NUP98: variants seen among roughly 807,000 people sequenced by gnomAD.
NUP98 encodes the protein nucleoporin 98 and 96 precursor.
NUP98 carries 26 observed loss-of-function variants against 191.9 expected under a neutral mutation model. The observed-to-expected ratio is 0.14, with a 90% CI of 0.10 to 0.19. NUP98 has a LOEUF of 0.19. NUP98 is among the 10% of genes least tolerant of loss of function. The probability of loss-of-function intolerance (pLI) is 1.00; values close to 1 mark genes in which losing one functional copy is unlikely to be tolerated. For missense variants in NUP98, 1,941 were observed against 2,178.8 expected (o/e 0.89, Z 2.17); for synonymous variants, 808 against 778.4 (o/e 1.04, Z -0.63).
intron 1 of NUP98, among the ~76,000 whole-genome samples, chr11:3,794,357 G>A (rs1226083113): frequency 2.6e-5 from 4 of 152,082 alleles, no homozygotes; most frequent in Admixed American, 6.6e-5. Flanking sequence ...GAGTCTCGCT[G>A]TCGCCCAGGC....
At position 3,786,096 on chromosome 11, in the gene NUP98, C is replaced by T. The variant is rs181240398; in HGVS notation, c.-28-3951G>A. Among the ~76,000 whole-genome samples, 14 of 152,272 alleles carry T rather than the reference C, an allele frequency of 9.2e-5. No individual in the cohort carries two copies. In the East Asian group the frequency reaches 2.7e-3, roughly 29 times the overall value. On this transcript the variant is annotated intron_variant, in intron 1 of 32. Coordinates refer to ENST00000324932, the MANE Select transcript of NUP98 (RefSeq NM_016320.5). The stretch of plus-strand genomic sequence containing the variant: ...TGTAGGTATTTTTATCTCTATTTTA[C>T]AAGGAAGAAATTAAGGCACAAGAAT...
At chr11:3,696,183 C>T (rs1439833356) in intron 25 of NUP98, among the ~76,000 whole-genome samples, 2 of 151,496 alleles carry the variant, frequency 1.3e-5, no homozygotes, top group Admixed American at 1.3e-4. Flanking sequence ...AAGAGCGAGA[C>T]TCTATCTTAA....
At chr11:3,712,405 G>T in intron 20 of NUP98, 159 bp downstream of exon 20, 1 of 1,419,182 alleles carries the variant, frequency 7.0e-7, no homozygotes, top group Non-Finnish European at 9.2e-7. Context: ...ATGCCTGCAA[G>T]ACCTCACGCC....
intron 1 of NUP98, among the ~76,000 whole-genome samples, chr11:3,787,334 C>A (rs954373358): frequency 6.6e-6 from 1 of 151,920 alleles, no homozygotes; most frequent in Non-Finnish European, 1.5e-5. Context: ...GTAATCCCGG[C>A]ACTTTGGAAG....
At position 3,676,093 on chromosome 11, in the gene NUP98, A is replaced by C. The variant is rs2077798698; in HGVS notation, c.*66T>G. The C allele has an allele frequency of 7.3e-6, 11 of 1,498,592 alleles. No individual in the cohort carries two copies. The highest frequency in any genetic ancestry group is 2.3e-4 in the Middle Eastern group (1 of 4,408). The allele number at this position is 1,498,592 out of a possible 1,614,324, so 92.8% of individuals were successfully genotyped here. ...AGAGAATGGCAAACAGTGCCAATCC[A>C]AACAAGGCAGGGAACCTCTGTGTGG... On this transcript the variant is annotated 3_prime_UTR_variant, in exon 33 of 33. Coordinates refer to ENST00000324932, the MANE Select transcript of NUP98 (RefSeq NM_016320.5).
chr11:3,773,536 C>T lies in NUP98; in HGVS notation c.603+96G>A, dbSNP rs185392244. 5.9e-4 allele frequency: 394 copies of T among 664,578 alleles called. 3 individuals carry two copies. The highest frequency in any genetic ancestry group is 2.4e-3 in the African/African-American group (131 of 53,912). The allele number at this position is 664,578 out of a possible 1,614,324, so 41.2% of individuals were successfully genotyped here. The stretch of plus-strand genomic sequence containing the variant: ...ATTTTTTACATAAACCCAAACTGAA[C>T]CACTCTATCCTAAAGAAAATCAAAA... On this transcript the variant is annotated intron_variant, in intron 6 of 32. Transcript: ENST00000324932.
chr11:3,760,470 C>T (rs777784245), intron 10 of NUP98, 69 bp downstream of exon 10: 19 of 1,612,984 alleles, frequency 1.2e-5, no homozygotes, highest in Non-Finnish European at 8.5e-6. Flanking sequence ...GAGAGCCAAA[C>T]CTGCTTTTTA....
chr11:3,680,429 TC>T (rs2077947894), intron 30 of NUP98, among the ~76,000 whole-genome samples: 2 of 152,170 alleles, frequency 1.3e-5, no homozygotes, highest in Non-Finnish European at 1.5e-5. Flanking sequence ...TGCAAGTACT[TC>T]CCCCACTAAA....
At chr11:3,786,294 G>C (rs1206645269) in intron 1 of NUP98, among the ~76,000 whole-genome samples, 1 of 152,146 alleles carries the variant, frequency 6.6e-6, no homozygotes, top group Non-Finnish European at 1.5e-5. Flanking sequence ...AGCACTATCA[G>C]GGAAAGACAC....
intron 10 of NUP98, among the ~76,000 whole-genome samples, chr11:3,753,810 G>T (rs1050309733): frequency 5.0e-5 from 7 of 140,604 alleles, no homozygotes; most frequent in African/African-American, 1.1e-4. Flanking sequence ...ATGACGGTGC[G>T]TGCCTGTAAT....
chr11:3,758,316 G>A (rs1459978238), intron 10 of NUP98, among the ~76,000 whole-genome samples: 4 of 144,410 alleles, frequency 2.8e-5, no homozygotes, highest in Non-Finnish European at 6.0e-5. Flanking sequence ...GCGAGACTCC[G>A]TCTCAAAAAA....
At chr11:3,783,924 T>A (rs1307491964) in intron 1 of NUP98, among the ~76,000 whole-genome samples, 1 of 152,172 alleles carries the variant, frequency 6.6e-6, no homozygotes, top group African/African-American at 2.4e-5. Flanking sequence ...AATAGCTTCA[T>A]AGTTTACTCA....
intron 29 of NUP98, among the ~76,000 whole-genome samples, chr11:3,685,692 A>G (rs2078113736): frequency 6.6e-6 from 1 of 152,198 alleles, no homozygotes; most frequent in Non-Finnish European, 1.5e-5. Flanking sequence ...TCTCTGATCA[A>G]TGCAGTTCAC....
intron 2 of NUP98, among the ~76,000 whole-genome samples, chr11:3,779,846 G>A (rs1033083633): frequency 7.9e-5 from 12 of 151,856 alleles, no homozygotes; most frequent in African/African-American, 2.9e-4. Context: ...AAAAAGTGCT[G>A]GCCGGGCACG....
At chr11:3,716,003 T>C (rs536292425) in intron 18 of NUP98, among the ~76,000 whole-genome samples, 4 of 152,328 alleles carry the variant, frequency 2.6e-5, no homozygotes, top group African/African-American at 7.2e-5. Flanking sequence ...TCAAATATGA[T>C]TGGCATATAT....
At chr11:3,681,214 T>C (rs1003864356) in intron 30 of NUP98, among the ~76,000 whole-genome samples, 3 of 152,120 alleles carry the variant, frequency 2.0e-5, no homozygotes, top group Non-Finnish European at 2.9e-5. Flanking sequence ...CTAATTTTTG[T>C]ATTTTTTGTA....
In NUP98 at chr11:3,781,385, A is replaced by G. The variant is rs981797666; in HGVS notation, c.76+657T>C. On this transcript the variant is annotated intron_variant, in intron 2 of 32. Transcript: ENST00000324932. ...TTTCCAGACTTGGATGAGTATAAAC[A>G]TTTTTAACAAAGTGTCACAGCTCTT... The G allele has an allele frequency of 2.6e-5, 4 of 151,172 alleles. No individual in the cohort carries two copies. In the Admixed American group the frequency reaches 2.7e-4, roughly 10 times the overall value. 9.4% of individuals were successfully genotyped at this position (151,172 alleles called of 1,614,324 possible).
intron 12 of NUP98, 31 bp from the exon 13 acceptor site, chr11:3,735,355 T>C (rs990914416): frequency 1.4e-5 from 16 of 1,117,764 alleles, no homozygotes; most frequent in Non-Finnish European, 1.3e-5. Flanking sequence ...AAACAAAATA[T>C]ATATATATAT....
intron 1 of NUP98, among the ~76,000 whole-genome samples, chr11:3,786,639 GGACA>G (rs2082149580): frequency 6.6e-6 from 1 of 152,062 alleles, no homozygotes; most frequent in Non-Finnish European, 1.5e-5. Flanking sequence ...TCCAATCAAT[GGACA>G]GACATATATT....
Sources: gnomAD v4.1 joint callset for allele counts (sites outside exome capture counted in the v4.1 genomes callset) on GRCh38, gnomAD v4.1.1 for gene constraint, MANE v1.5 for transcripts, NCBI Gene and HGNC (gene_info 2026-07-23, HGNC 2026-07-21) for gene names.